The following MET variants were observed in gnomAD, a reference collection of about 807,000 sequenced individuals.
MET encodes MET proto-oncogene, receptor tyrosine kinase, also known as hepatocyte growth factor receptor.
In MET, 48 loss-of-function variants were observed where a neutral mutation model predicts 133.1. The ratio of observed to expected loss-of-function variants is 0.36; its 90% CI spans 0.29 to 0.46. The LOEUF is 0.46. Among genes scored for constraint, MET ranks in the 20% least tolerant of loss-of-function variants. The pLI is 1.00. For synonymous variants in MET, 628 were observed against 616.5 expected (o/e 1.02, Z -0.28); for missense variants, 1,442 against 1,695.9 (o/e 0.85, Z 2.63).
At chr7:116,723,721 A>G (rs559797330) in intron 2 of MET, among the ~76,000 whole-genome samples, 141 of 151,750 alleles carry the variant, frequency 9.3e-4, no homozygotes, top group African/African-American at 1.4e-3. Flanking sequence ...CTCAGCTGCA[A>G]GTCTGTTGGA....
At chr7:116,754,020 G>A (rs930126270) in intron 5 of MET, among the ~76,000 whole-genome samples, 1 of 152,144 alleles carries the variant, frequency 6.6e-6, no homozygotes, top group African/African-American at 2.4e-5. Context: ...CTGTAGTCCT[G>A]TCTACTAGAG....
At chr7:116,761,173 G>A (rs1794386345) in intron 10 of MET, among the ~76,000 whole-genome samples, 1 of 152,038 alleles carries the variant, frequency 6.6e-6, no homozygotes, top group Admixed American at 6.6e-5. Flanking sequence ...CTTTTTAGGT[G>A]TCACACATGA....
chr7:116,679,022 A>G (rs903056150), intron 1 of MET, among the ~76,000 whole-genome samples: 2 of 152,200 alleles, frequency 1.3e-5, no homozygotes, highest in African/African-American at 4.8e-5. Context: ...TGAATGATGC[A>G]ATGTGAAAAT....
intron 1 of MET, among the ~76,000 whole-genome samples, chr7:116,673,962 T>C (rs1796064697): frequency 6.6e-6 from 1 of 152,254 alleles, no homozygotes; most frequent in Non-Finnish European, 1.5e-5. Context: ...ATTTACATCA[T>C]TCATAAGAAA....
chr7:116,694,044 C>A (rs1318500804), intron 1 of MET, among the ~76,000 whole-genome samples: 1 of 152,192 alleles, frequency 6.6e-6, no homozygotes, highest in Non-Finnish European at 1.5e-5. Context: ...TGGCCAGTGC[C>A]TGTGCACTTG....
chr7:116,695,917 C>A (rs560033098), intron 1 of MET: 1 of 242,882 alleles, frequency 4.1e-6, no homozygotes, highest in South Asian at 4.5e-5. Context: ...CCCTTCATAA[C>A]CTGTACCCCC....
chr7:116,696,913 G>A (rs1796985287), intron 1 of MET, among the ~76,000 whole-genome samples: 1 of 152,214 alleles, frequency 6.6e-6, no homozygotes, highest in Admixed American at 6.5e-5. Flanking sequence ...GTCAAGGCAG[G>A]CTTCTCAGAA....
intron 1 of MET, among the ~76,000 whole-genome samples, chr7:116,672,962 T>C (rs1406901812): frequency 1.2e-4 from 19 of 152,130 alleles, no homozygotes; most frequent in Non-Finnish European, 2.6e-4. Flanking sequence ...TGTTTCCTTG[T>C]TCCCAGCCTT....
rs28396520 is a variant in MET, at chr7:116,704,305, T to A, written c.1200+4021T>A. ...GGAAAGAGACTAAAATCAGAGATGT[T>A]GGTTCAAATCTGAACCCCACCGTCT... On this transcript the variant is annotated intron_variant, in intron 2 of 20. Transcript: ENST00000397752. Among the ~76,000 whole-genome samples, 1,201 of 152,206 alleles carry A rather than the reference T, an allele frequency of 7.9e-3. 21 individuals are homozygous for A. Among genetic ancestry groups the A allele is most frequent in the African/African-American group, 0.027 (1,113 of 41,530 alleles).
intron 19 of MET, among the ~76,000 whole-genome samples, chr7:116,795,200 C>T (rs184915956): frequency 4.6e-5 from 7 of 152,108 alleles, no homozygotes; most frequent in Non-Finnish European, 7.4e-5. Flanking sequence ...TAATAGTAAC[C>T]TTTCAATGTG....
intron 2 of MET, among the ~76,000 whole-genome samples, chr7:116,731,432 A>G (rs1187113396): frequency 2.6e-5 from 4 of 152,182 alleles, no homozygotes; most frequent in Non-Finnish European, 5.9e-5. Flanking sequence ...AGGCGTGCAC[A>G]TATTGAACCA....
intron 5 of MET, among the ~76,000 whole-genome samples, chr7:116,747,436 A>G (rs1793735769): frequency 6.6e-6 from 1 of 152,224 alleles, no homozygotes. Flanking sequence ...AGGAAGATTT[A>G]CCAAGCAAAT....
intron 5 of MET, among the ~76,000 whole-genome samples, chr7:116,743,322 C>G (rs1793536796): frequency 6.6e-6 from 1 of 152,188 alleles, no homozygotes; most frequent in African/African-American, 2.4e-5. Flanking sequence ...TGGGCAGACA[C>G]CGAGCAGGAG....
At chr7:116,735,060 G>A (rs1793160888) in intron 3 of MET, among the ~76,000 whole-genome samples, 1 of 152,096 alleles carries the variant, frequency 6.6e-6, no homozygotes, top group South Asian at 2.1e-4. Flanking sequence ...AGAGGGGGTG[G>A]GGAGGCCCTT....
At chr7:116,793,177 CT>C (rs551063692) in intron 19 of MET, among the ~76,000 whole-genome samples, 161 of 141,776 alleles carry the variant, frequency 1.1e-3, no homozygotes, top group Non-Finnish European at 1.1e-3. Flanking sequence ...AACGCACTTT[CT>C]TTTTTTTTTT....
chr7:116,752,048 G>A (rs376669976), intron 5 of MET, among the ~76,000 whole-genome samples: 3 of 151,912 alleles, frequency 2.0e-5, no homozygotes, highest in South Asian at 2.1e-4. Flanking sequence ...ATGACAGAAC[G>A]AGACTCTGTC....
intron 11 of MET, among the ~76,000 whole-genome samples, chr7:116,767,314 T>C (rs1247715144): frequency 6.6e-6 from 1 of 152,176 alleles, no homozygotes; most frequent in Non-Finnish European, 1.5e-5. Flanking sequence ...GAAAGAGACA[T>C]GGTACATCCT....
chr7:116,755,041 A>AAAGAAAGAAAGAAAGAAAAG (rs879471092), intron 5 of MET, among the ~76,000 whole-genome samples: 1 of 37,342 alleles, frequency 2.7e-5, no homozygotes, highest in African/African-American at 8.7e-5. Context: ...AGAAAGAAAG[A>AAAGAAAGAAAGAAAGAAAAG]AAAGAAAGAA....
intron 19 of MET, among the ~76,000 whole-genome samples, chr7:116,794,718 G>T (rs142188792): frequency 2.0e-5 from 3 of 152,274 alleles, no homozygotes; most frequent in Non-Finnish European, 4.4e-5. Context: ...CTCTTAGAGT[G>T]GCCTGGAAGT....
Sources: allele counts gnomAD v4.1 joint callset (sites outside exome capture counted in the v4.1 genomes callset), GRCh38; gene constraint gnomAD v4.1.1; transcripts MANE v1.5; gene names NCBI Gene and HGNC (gene_info 2026-07-23, HGNC 2026-07-21).